The following DLG2 variants were observed in gnomAD, a reference collection of about 807,000 sequenced individuals.
The protein encoded by DLG2 is disks large homolog 2.
In DLG2, 45 loss-of-function variants were observed where a neutral mutation model predicts 132.5. That is an observed-to-expected ratio of 0.34 (90% CI 0.27 to 0.44). The LOEUF (loss-of-function observed/expected upper bound fraction) is 0.44, where lower values mean the gene tolerates loss of function less well. Among genes scored for constraint, DLG2 ranks in the 20% least tolerant of loss-of-function variants. The pLI, the probability that DLG2 is intolerant of heterozygous loss-of-function variation, is 1.00. For synonymous variants in DLG2, 424 were observed against 419.6 expected (o/e 1.01, Z -0.13); for missense variants, 1,045 against 1,196.9 (o/e 0.87, Z 1.87).
chr11:84,171,957 A>C (rs1001697795), intron 8 of DLG2, among the ~76,000 whole-genome samples: 7 of 152,146 alleles, frequency 4.6e-5, no homozygotes, highest in Non-Finnish European at 1.0e-4. Context: ...GACCAAAAAC[A>C]GGCCCTTTTT....
At chr11:84,516,988 TA>T (rs1212178504) in intron 7 of DLG2, among the ~76,000 whole-genome samples, 1,573 of 47,186 alleles carry the variant, frequency 0.033, 29 homozygotes, top group African/African-American at 0.087. Context: ...ACTTAAAGTA[TA>T]AAAAAAAAAA....
chr11:83,570,488 C>T (rs929234219), intron 19 of DLG2, among the ~76,000 whole-genome samples: 1 of 152,138 alleles, frequency 6.6e-6, no homozygotes, highest in Non-Finnish European at 1.5e-5. Flanking sequence ...CATCAAAACA[C>T]TTTTCTTAAT....
chr11:85,473,777 C>G (rs1283358009), intron 3 of DLG2, among the ~76,000 whole-genome samples: 2 of 151,714 alleles, frequency 1.3e-5, no homozygotes, highest in Non-Finnish European at 2.9e-5. Context: ...TTTATTGAGT[C>G]AAATATGCAT....
intron 7 of DLG2, among the ~76,000 whole-genome samples, chr11:84,446,882 A>G (rs1365641208): frequency 6.6e-6 from 1 of 152,114 alleles, no homozygotes; most frequent in African/African-American, 2.4e-5. Context: ...GGGATACCAT[A>G]GTCAGTTCAG....
intron 19 of DLG2, among the ~76,000 whole-genome samples, chr11:83,601,811 C>A (rs1448893997): frequency 1.3e-5 from 2 of 152,030 alleles, no homozygotes; most frequent in Non-Finnish European, 1.5e-5. Flanking sequence ...GCGTGAGGCA[C>A]AGGGCTCAGC....
chr11:84,255,969 A>G (rs80061518), intron 7 of DLG2, among the ~76,000 whole-genome samples: 7,365 of 152,108 alleles, frequency 0.048, 275 homozygotes, highest in Non-Finnish European at 0.076. Context: ...ACAGCTAATT[A>G]CAGAGAAGCA....
chr11:85,499,966 T>A (rs2093759009), intron 3 of DLG2, among the ~76,000 whole-genome samples: 1 of 152,194 alleles, frequency 6.6e-6, no homozygotes, highest in Non-Finnish European at 1.5e-5. Flanking sequence ...AAGAGCTATT[T>A]ATGATGAACC....
intron 18 of DLG2, among the ~76,000 whole-genome samples, chr11:83,670,399 C>T (rs1333123557): frequency 6.6e-6 from 1 of 151,754 alleles, no homozygotes; most frequent in African/African-American, 2.4e-5. Flanking sequence ...AAACCCATCA[C>T]TGGTGACTCT....
chr11:85,510,215 T>C (rs1382366559), intron 3 of DLG2, among the ~76,000 whole-genome samples: 1 of 151,858 alleles, frequency 6.6e-6, no homozygotes, highest in African/African-American at 2.4e-5. Context: ...AAGAAAAGAA[T>C]CATACAATAT....
chr11:84,261,966 C>A (rs917346400), intron 7 of DLG2, among the ~76,000 whole-genome samples: 9 of 152,122 alleles, frequency 5.9e-5, no homozygotes, highest in Admixed American at 2.0e-4. Flanking sequence ...CTGTCATGCA[C>A]TCCAGACCAT....
chr11:83,504,993 T>G (rs925221271), intron 21 of DLG2, among the ~76,000 whole-genome samples: 13 of 152,146 alleles, frequency 8.5e-5, no homozygotes, highest in African/African-American at 3.1e-4. Context: ...TCTTTAGCCA[T>G]AAAGTGAGTG....
intron 11 of DLG2, among the ~76,000 whole-genome samples, chr11:84,042,219 C>T (rs915733321): frequency 6.6e-6 from 1 of 151,782 alleles, no homozygotes; most frequent in Non-Finnish European, 1.5e-5. Flanking sequence ...AATCAAATTG[C>T]CAACTATATT....
At chr11:85,422,697 G>T (rs1369056436) in intron 3 of DLG2, among the ~76,000 whole-genome samples, 1 of 151,940 alleles carries the variant, frequency 6.6e-6, no homozygotes, top group Non-Finnish European at 1.5e-5. Context: ...TACCACATTG[G>T]TCAGGCTGGT....
intron 17 of DLG2, among the ~76,000 whole-genome samples, chr11:83,831,654 T>C (rs1309261210): frequency 6.6e-6 from 1 of 152,096 alleles, no homozygotes; most frequent in Non-Finnish European, 1.5e-5. Flanking sequence ...AGCCATAAAA[T>C]GAAAACAAAT....
chr11:84,799,187 C>T lies in DLG2; in HGVS notation c.358-264456G>A, dbSNP rs2075059179. 2.6e-5 allele frequency among the ~76,000 whole-genome samples: 4 copies of T among 152,158 alleles called. No homozygotes were observed. In the South Asian group the frequency reaches 8.3e-4, roughly 31 times the overall value. Reference sequence around the variant, plus strand: ...ACTGCCTTTCAAGTTCATTTATGATCCCAGAGCACTTTATCTCATGGTGGC... The same window carrying T: ...ACTGCCTTTCAAGTTCATTTATGATTCCAGAGCACTTTATCTCATGGTGGC... On this transcript the variant is annotated intron_variant, in intron 6 of 27. Transcript: ENST00000376104.
At chr11:85,139,236 T>C (rs2076309752) in intron 5 of DLG2, among the ~76,000 whole-genome samples, 2 of 152,268 alleles carry the variant, frequency 1.3e-5, no homozygotes, top group Admixed American at 6.5e-5. Flanking sequence ...AGGAACCTTA[T>C]GTTTTGTCCA....
At chr11:84,225,141 C>T (rs1203292645) in intron 8 of DLG2, among the ~76,000 whole-genome samples, 2 of 152,192 alleles carry the variant, frequency 1.3e-5, no homozygotes, top group East Asian at 1.9e-4. Context: ...TCTCATTCCT[C>T]TTTGTTGCAT....
chr11:84,001,083 C>A (rs1233923360), intron 11 of DLG2, among the ~76,000 whole-genome samples: 1 of 151,822 alleles, frequency 6.6e-6, no homozygotes, highest in African/African-American at 2.4e-5. Flanking sequence ...AGGAACAAAA[C>A]CTCATATATT....
At chr11:84,051,964 C>T (rs1047928756) in intron 11 of DLG2, among the ~76,000 whole-genome samples, 3 of 151,686 alleles carry the variant, frequency 2.0e-5, no homozygotes, top group Non-Finnish European at 2.9e-5. Context: ...CTAAGACAAT[C>T]GTTTGAATAA....
Sources: gnomAD v4.1 joint callset for allele counts (sites outside exome capture counted in the v4.1 genomes callset) on GRCh38, gnomAD v4.1.1 for gene constraint, MANE v1.5 for transcripts, NCBI Gene and HGNC (gene_info 2026-07-23, HGNC 2026-07-21) for gene names.